Variants in JAK1 observed in about 807,000 individuals in gnomAD.
The protein encoded by JAK1 is tyrosine-protein kinase JAK1.
A neutral mutation model predicts 136.6 loss-of-function variants in JAK1; 16 were observed. The ratio of observed to expected loss-of-function variants is 0.12; its 90% confidence interval spans 0.08 to 0.18. JAK1 has a LOEUF of 0.18. Ranked by LOEUF, JAK1 falls within the 10% of genes least tolerant of loss-of-function variation. The pLI is 1.00. For missense variants in JAK1, 859 were observed against 1,450.1 expected, an observed-to-expected ratio of 0.59 and a Z score of 6.62; for synonymous variants, 492 against 519.5, an observed-to-expected ratio of 0.95 and a Z score of 0.72.
chr1:65,011,395 G>C (rs1646847781), intron 2 of JAK1, among the ~76,000 whole-genome samples: 1 of 152,074 alleles, frequency 6.6e-6, no homozygotes, highest in Non-Finnish European at 1.5e-5. Flanking sequence ...AGGATCACTT[G>C]AGCCCGGAAG....
chr1:64,890,904 G>A (rs1644925419), intron 1 of JAK1, among the ~76,000 whole-genome samples: 1 of 152,114 alleles, frequency 6.6e-6, no homozygotes, highest in East Asian at 1.9e-4. Flanking sequence ...TTGAATTCTG[G>A]CGTCTCCACC....
At position 64,971,598 on chromosome 1, in the gene JAK1, G is replaced by A. The variant is rs192859990; in HGVS notation, c.-78+72882C>T. Among the ~76,000 whole-genome samples the A allele has an allele frequency of 1.1e-3, 170 of 150,428 alleles. 1 individual carries two copies. Among genetic ancestry groups the A allele is most frequent in the African/African-American group, 3.7e-3 (151 of 40,838 alleles). ...TTTTGAGATGGAGTTTCACTCTGTCGCCCAGGCTCGAGTACAGTGGCGTGA... is the reference window on the plus strand; with the variant it reads ...TTTTGAGATGGAGTTTCACTCTGTCACCCAGGCTCGAGTACAGTGGCGTGA... On this transcript the variant is annotated intron_variant, in intron 2 of 25. Transcript: ENST00000671954.
chr1:65,064,826 G>A (rs912010472), intron 1 of JAK1, among the ~76,000 whole-genome samples: 2 of 151,052 alleles, frequency 1.3e-5, no homozygotes, highest in African/African-American at 2.5e-5. Context: ...ATTCTGCAGA[G>A]AGGCCCCTCT....
intron 2 of JAK1, chr1:64,991,757 C>T (rs557109292): frequency 6.6e-6 from 1 of 152,278 alleles, no homozygotes; most frequent in Non-Finnish European, 1.5e-5. Flanking sequence ...ATAAAATCAA[C>T]ACACAAAAAT....
intron 1 of JAK1, among the ~76,000 whole-genome samples, chr1:64,931,148 A>T (rs1478458713): frequency 6.6e-6 from 1 of 151,978 alleles, no homozygotes; most frequent in Non-Finnish European, 1.5e-5. Context: ...AATGTATAAT[A>T]AAAAAAATAA....
chr1:64,866,284 C>G (rs964862709), intron 7 of JAK1, among the ~76,000 whole-genome samples: 1 of 152,230 alleles, frequency 6.6e-6, no homozygotes, highest in Non-Finnish European at 1.5e-5. Flanking sequence ...AAGCTAGGAT[C>G]TGAACCCCGT....
At chr1:65,042,407 AACACAC>A (rs72477165) in intron 2 of JAK1, among the ~76,000 whole-genome samples, 10,482 of 147,974 alleles carry the variant, frequency 0.071, 429 homozygotes, top group Admixed American at 0.15. Flanking sequence ...ACTCTTATTT[AACACAC>A]ACACACACAC....
chr1:64,927,814 C>T lies in JAK1; in HGVS notation c.-78+38519G>A, dbSNP rs573146685. 3.9e-5 allele frequency among the ~76,000 whole-genome samples: 6 copies of T among 152,272 alleles called. 1 individual carries two copies. In the Middle Eastern group the frequency reaches 0.017, roughly 432 times the overall value. Reference sequence around the variant, plus strand: ...AAGAATACAAAGCCCCTGTATTTGGCTGGAAGATAGCAGGTAGAATCAGGA... The same window carrying T: ...AAGAATACAAAGCCCCTGTATTTGGTTGGAAGATAGCAGGTAGAATCAGGA... On this transcript the variant is annotated intron_variant, in intron 1 of 24. Coordinates refer to ENST00000342505, the MANE Select transcript of JAK1 (RefSeq NM_002227.4).
At chr1:64,839,104 C>T (rs868513122) in intron 20 of JAK1, among the ~76,000 whole-genome samples, 17 of 141,058 alleles carry the variant, frequency 1.2e-4, no homozygotes, top group African/African-American at 4.1e-4. Flanking sequence ...CGAGATTGCG[C>T]CACTGCAGTC....
At chr1:64,978,766 G>A (rs1646518378) in intron 2 of JAK1, among the ~76,000 whole-genome samples, 1 of 151,910 alleles carries the variant, frequency 6.6e-6, no homozygotes, top group Admixed American at 6.6e-5. Context: ...ATAAGCAGAT[G>A]CTATTCTGAC....
intron 8 of JAK1, among the ~76,000 whole-genome samples, chr1:64,862,048 C>G (rs1184680996): frequency 6.6e-6 from 1 of 152,206 alleles, no homozygotes; most frequent in Non-Finnish European, 1.5e-5. Context: ...GAAGGTCTGA[C>G]TTGACAACAT....
chr1:64,908,689 C>T (rs1178681757), intron 1 of JAK1, among the ~76,000 whole-genome samples: 7 of 152,000 alleles, frequency 4.6e-5, no homozygotes, highest in Non-Finnish European at 8.8e-5. Flanking sequence ...AAAATGGAAG[C>T]ATATGCCCAC....
At position 65,018,045 on chromosome 1, in the gene JAK1, G is replaced by A. The variant is rs762053149; in HGVS notation, c.-78+26435C>T. On this transcript the variant is annotated intron_variant, in intron 2 of 25. Transcript: ENST00000671954. ...GCGCTGGTCTCGAACTCCTGATCTC[G>A]GGTGATCCTCCCGCCTCAGCCTCCC... is the stretch of plus-strand genomic sequence containing the variant. Among the ~76,000 whole-genome samples, 10 of 151,666 alleles carry A rather than the reference G, an allele frequency of 6.6e-5. 1 individual carries two copies. Among genetic ancestry groups the A allele is most frequent in the South Asian group, 4.2e-4 (2 of 4,814 alleles).
chr1:64,884,165 A>G (rs748873611), intron 2 of JAK1, among the ~76,000 whole-genome samples: 2 of 152,142 alleles, frequency 1.3e-5, no homozygotes, highest in African/African-American at 2.4e-5. Context: ...TTACTTTGGA[A>G]CAGTTAGAAA....
Position 64,992,956 on chromosome 1 carries a change from C to G in JAK1, c.-78+51524G>C, listed in dbSNP as rs189792696. ...CCTTATGAGCTTATCCTCTAATGTC[C>G]CCTGTACTTATATTCCTTCTTGGTG... On this transcript the variant is annotated intron_variant, in intron 2 of 25. Coordinates refer to the JAK1 transcript ENST00000671954. The G allele has an allele frequency of 4.0e-5, 6 of 151,362 alleles. No homozygotes were observed. The East Asian group carries it at 1.2e-3, about 29-fold the overall frequency. The allele number at this position is 151,362 out of a possible 1,614,324, so 9.4% of individuals were successfully genotyped here. A position where few individuals can be genotyped will look rare whatever the true frequency, so the allele number is the denominator to read the frequency against.
chr1:64,892,010 G>C (rs1379587056), intron 1 of JAK1, among the ~76,000 whole-genome samples: 1 of 152,246 alleles, frequency 6.6e-6, no homozygotes, highest in Non-Finnish European at 1.5e-5. Flanking sequence ...TTTGATAAAA[G>C]TAAATACAGT....
intron 4 of JAK1, among the ~76,000 whole-genome samples, chr1:64,874,417 T>C (rs1219749816): frequency 6.6e-6 from 1 of 152,090 alleles, no homozygotes; most frequent in Non-Finnish European, 1.5e-5. Flanking sequence ...ACATAAGATA[T>C]ATACAGGTTA....
chr1:64,947,525 G>C (rs1233383314), intron 1 of JAK1, among the ~76,000 whole-genome samples: 2 of 152,156 alleles, frequency 1.3e-5, no homozygotes, highest in African/African-American at 2.4e-5. Context: ...AAGCAGAATA[G>C]CAGGATTCTT....
Position 64,937,659 on chromosome 1 carries a change from C to T in JAK1, c.-78+28674G>A, listed in dbSNP as rs993207133. On this transcript the variant is annotated intron_variant, in intron 1 of 24. Transcript: ENST00000342505. ...AACTGAAAACCAAAGCAGACTTAGT[C>T]GATCATAGAATGACAAAAAAAAACC... Among the ~76,000 whole-genome samples, 6 of 152,112 alleles carry T rather than the reference C, an allele frequency of 3.9e-5. No homozygotes were observed. In the East Asian group the frequency reaches 9.7e-4, roughly 25 times the overall value.
Sources: gnomAD v4.1 joint callset for allele counts (sites outside exome capture counted in the v4.1 genomes callset) on GRCh38, gnomAD v4.1.1 for gene constraint, MANE v1.5 for transcripts, NCBI Gene and HGNC (gene_info 2026-07-23, HGNC 2026-07-21) for gene names.